The following TRDN variants were observed in gnomAD, a reference collection of about 807,000 sequenced individuals.
TRDN encodes triadin.
A neutral mutation model predicts 149.7 loss-of-function variants in TRDN; 161 were observed. The observed-to-expected ratio is 1.08, with a 90% CI of 0.95 to 1.23. The LOEUF is 1.23. Among genes scored for constraint, TRDN ranks in the 50% most tolerant of loss-of-function variants. The probability of loss-of-function intolerance (pLI) is 0.00; values close to 1 mark genes in which losing one functional copy is unlikely to be tolerated. For synonymous variants in TRDN, 294 were observed against 250.5 expected (o/e 1.17, Z -1.64); for missense variants, 896 against 823.5 (o/e 1.09, Z -1.08).
intron 5 of TRDN, among the ~76,000 whole-genome samples, chr6:123,528,058 C>A (rs1780038431): frequency 6.6e-6 from 1 of 151,556 alleles, no homozygotes; most frequent in Admixed American, 6.6e-5. Flanking sequence ...AAATATCGAA[C>A]AAAATAAACA....
At chr6:123,414,018 C>A (rs966041887) in intron 12 of TRDN, among the ~76,000 whole-genome samples, 1 of 152,060 alleles carries the variant, frequency 6.6e-6, no homozygotes, top group Admixed American at 6.6e-5. Context: ...ACCTTTTAAT[C>A]ACACATCAGA....
At chr6:123,469,396 C>A (rs1325323000) in intron 9 of TRDN, among the ~76,000 whole-genome samples, 1 of 152,148 alleles carries the variant, frequency 6.6e-6, no homozygotes, top group Non-Finnish European at 1.5e-5. Context: ...AACCACTCCT[C>A]CCTTTCCCAA....
chr6:123,275,986 C>A (rs1399302337), intron 26 of TRDN, among the ~76,000 whole-genome samples: 1 of 152,054 alleles, frequency 6.6e-6, no homozygotes, highest in Non-Finnish European at 1.5e-5. Flanking sequence ...TGCCTTGTTA[C>A]TGTGTCCTTC....
At chr6:123,360,407 A>C (rs1562277751) in intron 20 of TRDN, among the ~76,000 whole-genome samples, 1 of 152,220 alleles carries the variant, frequency 6.6e-6, no homozygotes, top group Admixed American at 6.5e-5. Context: ...GAAGCCAGAA[A>C]TAAAGGCCAG....
In TRDN at chr6:123,455,434, GTGTGTC is replaced by G. The variant is rs760996019; in HGVS notation, c.931+9466_931+9471del. ...TGTGTGTGTGTGTGTGTGTGTGTGT[GTGTGTC>G]TGTGTGTGTTAGAGAAACAAAGAGA... On this transcript the variant is annotated intron_variant, in intron 10 of 40. Coordinates refer to ENST00000334268, the MANE Select transcript of TRDN (RefSeq NM_006073.4). Among the ~76,000 whole-genome samples the G allele has an allele frequency of 9.7e-4, 144 of 148,980 alleles. 2 individuals carry two copies. The highest frequency in any genetic ancestry group is 5.8e-3 in the South Asian group (26 of 4,504).
At chr6:123,366,642 C>T (rs1781110934) in intron 19 of TRDN, among the ~76,000 whole-genome samples, 1 of 152,046 alleles carries the variant, frequency 6.6e-6, no homozygotes, top group East Asian at 1.9e-4. Context: ...CCCAGCCTCC[C>T]GAGTAGCTGG....
At chr6:123,366,237 A>T in intron 19 of TRDN, 55 bp from the exon 20 acceptor site, 2 of 1,456,154 alleles carry the variant, frequency 1.4e-6, no homozygotes. Context: ...TGCCAAATTC[A>T]CATCTTATAC....
Position 123,497,259 on chromosome 6 carries a change from G to A in TRDN, c.794-7C>T, listed in dbSNP as rs1423205854. 3.3e-6 allele frequency: 5 copies of A among 1,508,544 alleles called. No homozygotes were observed. Among genetic ancestry groups the A allele is most frequent in the African/African-American group, 1.4e-5 (1 of 69,390 alleles). 93.4% of individuals were successfully genotyped at this position (1,508,544 alleles called of 1,614,324 possible). A position where few individuals can be genotyped will look rare whatever the true frequency, so the allele number is the denominator to read the frequency against. ...CGACAGAATGCATACTGATCTGACA[G>A]AGTAGAAAGAAAAAGAGCAATGAAA... On this transcript the variant is annotated splice_polypyrimidine_tract_variant and splice_region_variant and intron_variant, in intron 8 of 40. Transcript: ENST00000334268.
chr6:123,241,570 G>A (rs1775990774), intron 38 of TRDN, among the ~76,000 whole-genome samples: 1 of 151,414 alleles, frequency 6.6e-6, no homozygotes, highest in African/African-American at 2.4e-5. Flanking sequence ...CAAAATACTA[G>A]ATCAGAATAT....
intron 10 of TRDN, among the ~76,000 whole-genome samples, chr6:123,443,707 G>T (rs931340833): frequency 1.3e-5 from 2 of 150,968 alleles, no homozygotes; most frequent in African/African-American, 4.9e-5. Flanking sequence ...TAAGGTGTAA[G>T]GAAGGCATCT....
At chr6:123,298,074 C>A (rs1397573692) in intron 24 of TRDN, among the ~76,000 whole-genome samples, 4 of 151,572 alleles carry the variant, frequency 2.6e-5, no homozygotes, top group Admixed American at 6.6e-5. Context: ...AATTAAAAAA[C>A]AAAAAAACAA....
intron 12 of TRDN, among the ~76,000 whole-genome samples, chr6:123,394,302 T>C (rs1772632390): frequency 6.6e-6 from 1 of 151,900 alleles, no homozygotes; most frequent in Non-Finnish European, 1.5e-5. Context: ...AGAAAAAGGA[T>C]TTATTAAAAA....
chr6:123,480,737 T>C (rs1777711608), intron 9 of TRDN, among the ~76,000 whole-genome samples: 1 of 152,090 alleles, frequency 6.6e-6, no homozygotes, highest in Non-Finnish European at 1.5e-5. Context: ...ACAAAATGTA[T>C]TAAAATAATT....
intron 24 of TRDN, among the ~76,000 whole-genome samples, chr6:123,288,294 G>T (rs1777871603): frequency 6.6e-6 from 1 of 151,966 alleles, no homozygotes; most frequent in Non-Finnish European, 1.5e-5. Context: ...GCTACTAAAA[G>T]AAAACACCGG....
At chr6:123,371,367 G>A (rs529264965) in intron 19 of TRDN, among the ~76,000 whole-genome samples, 71 of 152,192 alleles carry the variant, frequency 4.7e-4, no homozygotes, top group African/African-American at 1.6e-3. Flanking sequence ...GCTCAAGTGT[G>A]ATGTATTTTA....
chr6:123,548,656 A>G (rs1202551811), intron 2 of TRDN, 44 bp from the exon 3 acceptor site: 2 of 1,302,682 alleles, frequency 1.5e-6, no homozygotes, highest in African/African-American at 3.1e-5. Context: ...GTTTGTGATC[A>G]TTTCCAAATA....
rs376575644 is a variant in TRDN, at chr6:123,427,788, TA to T, written c.1051+10274del. On this transcript the variant is annotated intron_variant, in intron 12 of 40. Coordinates refer to ENST00000334268, the MANE Select transcript of TRDN (RefSeq NM_006073.4). ...CTGGTTTATTTTAAAATATCTTTAT[TA>T]AAATTAAAGACTATTATCCAAGTGT... Among the ~76,000 whole-genome samples the T allele has an allele frequency of 9.9e-4, 151 of 152,274 alleles. 2 individuals carry two copies. In the South Asian group the frequency reaches 0.022, roughly 22 times the overall value.
intron 9 of TRDN, among the ~76,000 whole-genome samples, chr6:123,483,633 CATATGATTTAGTGCT>C (rs1777861348): frequency 6.6e-6 from 1 of 152,136 alleles, no homozygotes; most frequent in Admixed American, 6.5e-5. Context: ...TAATCTGCAT[CATATGATTTAGTGCT>C]TAATTAGCAC....
intron 8 of TRDN, among the ~76,000 whole-genome samples, chr6:123,499,193 G>T (rs1315654818): frequency 1.3e-5 from 2 of 152,056 alleles, no homozygotes; most frequent in African/African-American, 4.8e-5. Flanking sequence ...AGAATGCAGG[G>T]AGTATTTTTA....
Sources: allele counts gnomAD v4.1 joint callset (sites outside exome capture counted in the v4.1 genomes callset), GRCh38; gene constraint gnomAD v4.1.1; transcripts MANE v1.5; gene names NCBI Gene and HGNC (gene_info 2026-07-23, HGNC 2026-07-21).